Variants in DPP10 observed in about 807,000 individuals in gnomAD.
The protein encoded by DPP10 is inactive dipeptidyl peptidase 10.
A neutral mutation model predicts 120.9 loss-of-function variants in DPP10; 33 were observed. The ratio of observed to expected loss-of-function variants is 0.27; its 90% CI spans 0.21 to 0.37. The LOEUF (loss-of-function observed/expected upper bound fraction) is 0.37. Ranked by LOEUF, DPP10 falls within the 10% of genes least tolerant of loss-of-function variation. The pLI is 1.00. For missense variants in DPP10, 816 were observed against 942.8 expected (o/e 0.87, Z 1.76); for synonymous variants, 337 against 326.1 (o/e 1.03, Z -0.36).
intron 3 of DPP10, among the ~76,000 whole-genome samples, chr2:115,362,917 A>G (rs2064869956): frequency 6.6e-6 from 1 of 152,196 alleles, no homozygotes; most frequent in Non-Finnish European, 1.5e-5. Flanking sequence ...AAAACATTTA[A>G]AAGCTGATCT....
chr2:115,133,025 G>A (rs1047154426), intron 1 of DPP10, among the ~76,000 whole-genome samples: 1 of 150,642 alleles, frequency 6.6e-6, no homozygotes, highest in African/African-American at 2.4e-5. Flanking sequence ...CATGGGCTGG[G>A]GTTTGGAAAA....
intron 24 of DPP10, among the ~76,000 whole-genome samples, 161 bp from the exon 25 acceptor site, chr2:115,840,589 G>T (rs1006075695): frequency 5.9e-5 from 9 of 151,958 alleles, no homozygotes; most frequent in Admixed American, 5.9e-4. Context: ...CTCCCAAAGT[G>T]CTGAGATTAC....
At position 115,845,394 on chromosome 2, in the gene DPP10, A is replaced by G. The variant is rs1336026725; in HGVS notation, c.*3049A>G. 1 of 152,176 alleles carries G rather than the reference A, an allele frequency of 6.6e-6. No individual in the cohort carries two copies. The highest frequency in any genetic ancestry group is 2.4e-5 in the African/African-American group (1 of 41,424). The allele number at this position is 152,176 out of a possible 1,614,324, so 9.4% of individuals were successfully genotyped here. ...GGCTACTTGGTAGAACCAAGAGACA[A>G]ATCGCTTACATGCTGCAAACCGATG... On this transcript the variant is annotated 3_prime_UTR_variant, in exon 26 of 26. Transcript: ENST00000410059.
intron 1 of DPP10, among the ~76,000 whole-genome samples, chr2:114,514,887 C>T (rs1178712080): frequency 6.6e-6 from 1 of 151,836 alleles, no homozygotes; most frequent in Non-Finnish European, 1.5e-5. Context: ...CCCATTACTC[C>T]TATTGCCAAT....
chr2:114,507,815 A>ATAAGAAT, intron 1 of DPP10, among the ~76,000 whole-genome samples: 1 of 152,344 alleles, frequency 6.6e-6, no homozygotes, highest in South Asian at 2.1e-4. Context: ...CAGGGTTGCT[A>ATAAGAAT]TAAGAATTAA....
At chr2:114,974,818 T>C (rs1699643777) in intron 1 of DPP10, among the ~76,000 whole-genome samples, 1 of 152,100 alleles carries the variant, frequency 6.6e-6, no homozygotes, top group South Asian at 2.1e-4. Context: ...ACAAGGTATT[T>C]CTCAGAATGT....
At chr2:114,539,882 C>G (rs1194300573) in intron 1 of DPP10, among the ~76,000 whole-genome samples, 1 of 152,116 alleles carries the variant, frequency 6.6e-6, no homozygotes, top group Non-Finnish European at 1.5e-5. Context: ...TCACTTAGAA[C>G]AGCAACCATT....
intron 1 of DPP10, among the ~76,000 whole-genome samples, chr2:115,264,587 A>G (rs772309407): frequency 2.0e-5 from 3 of 152,216 alleles, no homozygotes; most frequent in Non-Finnish European, 4.4e-5. Flanking sequence ...AGCCATTTCA[A>G]TGTGGGGAAG....
intron 1 of DPP10, among the ~76,000 whole-genome samples, chr2:115,147,396 T>C (rs2051287192): frequency 6.6e-6 from 1 of 152,086 alleles, no homozygotes; most frequent in African/African-American, 2.4e-5. Context: ...TTGCCTGTGT[T>C]CAAATCTCTG....
At chr2:115,294,361 A>G (rs1322214137) in intron 1 of DPP10, among the ~76,000 whole-genome samples, 4 of 152,150 alleles carry the variant, frequency 2.6e-5, no homozygotes, top group Non-Finnish European at 4.4e-5. Flanking sequence ...CGTTAACACT[A>G]TGGATACACT....
At chr2:115,489,775 A>T (rs527333121) in intron 3 of DPP10, among the ~76,000 whole-genome samples, 47 of 152,172 alleles carry the variant, frequency 3.1e-4, no homozygotes, top group African/African-American at 1.1e-3. Context: ...GAAAATTTGG[A>T]TCTGCAGACA....
At chr2:114,694,218 A>C (rs1300294880) in intron 1 of DPP10, among the ~76,000 whole-genome samples, 5 of 151,908 alleles carry the variant, frequency 3.3e-5, no homozygotes, top group African/African-American at 1.2e-4. Context: ...GGTGAAGATT[A>C]AGAGAATTAA....
chr2:115,599,176 T>A (rs2149206997), intron 5 of DPP10, among the ~76,000 whole-genome samples: 1 of 152,246 alleles, frequency 6.6e-6, no homozygotes, highest in Non-Finnish European at 1.5e-5. Context: ...TTGTCTTATT[T>A]GGCATTTGCT....
At chr2:114,566,580 A>G (rs576833680) in intron 1 of DPP10, among the ~76,000 whole-genome samples, 12 of 152,336 alleles carry the variant, frequency 7.9e-5, no homozygotes, top group African/African-American at 2.2e-4. Flanking sequence ...ACAAAATTAT[A>G]TTCAGGAAAG....
chr2:115,139,427 C>A (rs1005515287), intron 1 of DPP10, among the ~76,000 whole-genome samples: 1 of 151,932 alleles, frequency 6.6e-6, no homozygotes, highest in Non-Finnish European at 1.5e-5. Context: ...CCCACCCCTA[C>A]CACACACACA....
At chr2:115,665,523 C>T (rs778291569) in intron 5 of DPP10, among the ~76,000 whole-genome samples, 6 of 152,090 alleles carry the variant, frequency 3.9e-5, no homozygotes, top group Non-Finnish European at 8.8e-5. Context: ...AATCTTATTG[C>T]AACATACAGA....
chr2:115,797,631 A>G (rs1318524035), intron 19 of DPP10, among the ~76,000 whole-genome samples: 1 of 152,026 alleles, frequency 6.6e-6, no homozygotes, highest in Non-Finnish European at 1.5e-5. Flanking sequence ...ACACTGTAAT[A>G]CATAGAAAAT....
chr2:114,869,195 GTACATATATA>G (rs910664763), intron 1 of DPP10, among the ~76,000 whole-genome samples: 1 of 151,908 alleles, frequency 6.6e-6, no homozygotes, highest in Non-Finnish European at 1.5e-5. Flanking sequence ...GAAATATTGT[GTACATATATA>G]TACATATATA....
At position 115,696,311 on chromosome 2, in the gene DPP10, C is replaced by T. The variant is rs2149516880; in HGVS notation, c.576+6390C>T. Among the ~76,000 whole-genome samples, 2 of 152,238 alleles carry T rather than the reference C, an allele frequency of 1.3e-5. 1 individual carries two copies. Among genetic ancestry groups the T allele is most frequent in the Middle Eastern group, 6.8e-3 (2 of 294 alleles). On this transcript the variant is annotated intron_variant, in intron 7 of 25. Coordinates refer to ENST00000410059, the MANE Select transcript of DPP10 (RefSeq NM_020868.6). ...CACACCAAGACAAGTTACAATCAAACTGTTGAAAGACAAAGACAAAGAGAA... is the reference window on the plus strand; with the variant it reads ...CACACCAAGACAAGTTACAATCAAATTGTTGAAAGACAAAGACAAAGAGAA...
Sources: allele counts gnomAD v4.1 joint callset (sites outside exome capture counted in the v4.1 genomes callset), GRCh38; gene constraint gnomAD v4.1.1; transcripts MANE v1.5; gene names NCBI Gene and HGNC (gene_info 2026-07-23, HGNC 2026-07-21).